The following MARCHF1 variants were observed in gnomAD, a reference collection of about 807,000 sequenced individuals.
The protein encoded by MARCHF1 is membrane associated ring-CH-type finger 1, also known as E3 ubiquitin-protein ligase MARCHF1.
In MARCHF1, 40 loss-of-function variants were observed where a neutral mutation model predicts 54.2. The observed-to-expected ratio is 0.74, with a 90% CI of 0.57 to 0.96. The LOEUF (loss-of-function observed/expected upper bound fraction) is 0.96, where lower values mean the gene tolerates loss of function less well. Ranked by LOEUF, MARCHF1 falls within the 40% of genes least tolerant of loss-of-function variation. The probability of loss-of-function intolerance (pLI) is 0.00; values close to 1 mark genes in which losing one functional copy is unlikely to be tolerated. For missense variants in MARCHF1, 586 were observed against 656.5 expected (o/e 0.89, Z 1.17); for synonymous variants, 236 against 236.3 (o/e 1.00, Z 0.01).
At chr4:163,538,896 G>A (rs1738625391) in intron 9 of MARCHF1, among the ~76,000 whole-genome samples, 1 of 152,168 alleles carries the variant, frequency 6.6e-6, no homozygotes, top group African/African-American at 2.4e-5. Context: ...ATTGACACTG[G>A]TCTTGGTCAT....
chr4:164,192,213 A>T (rs1212154769), intron 1 of MARCHF1, among the ~76,000 whole-genome samples: 1 of 152,134 alleles, frequency 6.6e-6, no homozygotes. Flanking sequence ...TTCATAGTTT[A>T]CTCTAAAAGT....
intron 5 of MARCHF1, among the ~76,000 whole-genome samples, chr4:163,632,085 A>G (rs1742107228): frequency 6.6e-6 from 1 of 152,214 alleles, no homozygotes; most frequent in South Asian, 2.1e-4. Flanking sequence ...ACAGAAAATA[A>G]CAAGTCTTGG....
intron 4 of MARCHF1, among the ~76,000 whole-genome samples, chr4:163,757,643 C>T (rs1207179905): frequency 6.6e-6 from 1 of 152,008 alleles, no homozygotes; most frequent in Non-Finnish European, 1.5e-5. Flanking sequence ...AAAATAGAAA[C>T]ACCATAGAAA....
At position 164,029,546 on chromosome 4, in the gene MARCHF1, C is replaced by T. The variant is rs1029571568; in HGVS notation, c.-247-40837G>A. 5.9e-5 allele frequency among the ~76,000 whole-genome samples: 9 copies of T among 151,292 alleles called. No individual in the cohort carries two copies. The South Asian group carries it at 6.3e-4, about 11-fold the overall frequency. On this transcript the variant is annotated intron_variant, in intron 2 of 9. Transcript: ENST00000514618. ...AGATTTAGTAAAATGCTTTATTTCT[C>T]ACTGATGTGAGATTAAATTGACATA...
At chr4:164,313,991 T>C (rs773443886) in intron 1 of MARCHF1, among the ~76,000 whole-genome samples, 8 of 152,264 alleles carry the variant, frequency 5.3e-5, no homozygotes, top group Non-Finnish European at 1.0e-4. Flanking sequence ...TCTATTCAGA[T>C]GCCAGAAGGA....
rs527268192 is a variant in MARCHF1 at position 164,309,996 on chromosome 4, TAAAAA to T, written c.-323+73869_-323+73873del. Among the ~76,000 whole-genome samples, 252 of 151,570 alleles carry T rather than the reference TAAAAA, an allele frequency of 1.7e-3. 3 individuals are homozygous for T. Among genetic ancestry groups the T allele is most frequent in the African/African-American group, 5.5e-3 (229 of 41,414 alleles). On this transcript the variant is annotated intron_variant, in intron 1 of 9. Coordinates refer to ENST00000514618, the MANE Select transcript of MARCHF1 (RefSeq NM_001394959.1). ...ACAAATCATGTTCCTTTTTTTTAATTAAAAAAAAATCTGTAGGTACATAGAAAGTG... is the reference window on the plus strand; with the variant it reads ...ACAAATCATGTTCCTTTTTTTTAATTAAAATCTGTAGGTACATAGAAAGTG...
At chr4:163,718,379 G>A (rs1019161219) in intron 4 of MARCHF1, among the ~76,000 whole-genome samples, 2 of 152,050 alleles carry the variant, frequency 1.3e-5, no homozygotes, top group Non-Finnish European at 2.9e-5. Context: ...CTACAGAATG[G>A]GAGAAAATTT....
At chr4:163,844,535 G>T (rs139533004) in intron 4 of MARCHF1, among the ~76,000 whole-genome samples, 202 of 152,148 alleles carry the variant, frequency 1.3e-3, no homozygotes, top group African/African-American at 4.6e-3. Flanking sequence ...TAAGGATTGT[G>T]TCTTTAAAAA....
intron 4 of MARCHF1, among the ~76,000 whole-genome samples, chr4:163,838,693 T>C (rs1281498728): frequency 6.6e-6 from 1 of 152,130 alleles, no homozygotes; most frequent in East Asian, 1.9e-4. Context: ...CTAGGATAAC[T>C]GTATTCATGA....
At chr4:163,768,087 A>G (rs1318748598) in intron 4 of MARCHF1, among the ~76,000 whole-genome samples, 1 of 152,186 alleles carries the variant, frequency 6.6e-6, no homozygotes, top group Non-Finnish European at 1.5e-5. Flanking sequence ...CTTTGTTAAA[A>G]GATTTAAGAA....
chr4:163,905,037 A>G (rs1023038830), intron 3 of MARCHF1, among the ~76,000 whole-genome samples: 4 of 152,152 alleles, frequency 2.6e-5, no homozygotes, highest in African/African-American at 9.6e-5. Flanking sequence ...TCATTAATAA[A>G]AATTATGTTC....
At chr4:164,150,871 T>A (rs527448184) in intron 1 of MARCHF1, among the ~76,000 whole-genome samples, 4 of 152,280 alleles carry the variant, frequency 2.6e-5, no homozygotes, top group Admixed American at 2.6e-4. Context: ...GAATTATGGT[T>A]GTTAATCAGC....
intron 2 of MARCHF1, among the ~76,000 whole-genome samples, chr4:164,015,317 G>C (rs1243270117): frequency 1.3e-5 from 2 of 152,004 alleles, no homozygotes; most frequent in Non-Finnish European, 2.9e-5. Context: ...AATGGATTAA[G>C]GACTTACAAC....
chr4:163,934,271 A>C (rs1196826647), intron 3 of MARCHF1, among the ~76,000 whole-genome samples: 1 of 152,034 alleles, frequency 6.6e-6, no homozygotes, highest in Admixed American at 6.6e-5. Flanking sequence ...ATAAACAACA[A>C]CAACAAAAAA....
At chr4:164,310,138 C>T (rs958552751) in intron 1 of MARCHF1, among the ~76,000 whole-genome samples, 21 of 151,834 alleles carry the variant, frequency 1.4e-4, no homozygotes, top group African/African-American at 4.8e-4. Context: ...TGTGCAGTGG[C>T]GCCATCTCGG....
intron 5 of MARCHF1, among the ~76,000 whole-genome samples, chr4:163,671,099 G>A (rs1173152925): frequency 6.6e-6 from 1 of 152,166 alleles, no homozygotes; most frequent in African/African-American, 2.4e-5. Flanking sequence ...CCAGTTCCCT[G>A]CTTTAGCAGT....
At chr4:164,360,602 G>GA (rs1730696229) in intron 1 of MARCHF1, among the ~76,000 whole-genome samples, 1 of 152,064 alleles carries the variant, frequency 6.6e-6, no homozygotes, top group African/African-American at 2.4e-5. Context: ...CGATTTTTCA[G>GA]CCCCACCCAA....
In MARCHF1 at chr4:163,858,105, G is replaced by C. The variant is rs1161128393; in HGVS notation, c.-38-3936C>G. Among the ~76,000 whole-genome samples the C allele has an allele frequency of 3.5e-3, 2 of 578 alleles. 1 individual carries two copies. The highest frequency in any genetic ancestry group is 0.011 in the East Asian group (2 of 186). 0.4% of individuals were successfully genotyped at this position (578 alleles called of 152,430 possible). A position where few individuals can be genotyped will look rare whatever the true frequency, so the allele number is the denominator to read the frequency against. ...GTGTTGCACAACTCCGGGGGGTGGG[G>C]GGGGGGGGGCATCATCCACATTGCA... On this transcript the variant is annotated intron_variant, in intron 3 of 9. Transcript: ENST00000514618.
At chr4:163,621,989 A>G (rs922579212) in intron 5 of MARCHF1, among the ~76,000 whole-genome samples, 1 of 151,988 alleles carries the variant, frequency 6.6e-6, no homozygotes, top group African/African-American at 2.4e-5. Context: ...TTAGGGTAGG[A>G]GTGACTGAGG....
Sources: allele counts gnomAD v4.1 joint callset (sites outside exome capture counted in the v4.1 genomes callset), GRCh38; gene constraint gnomAD v4.1.1; transcripts MANE v1.5; gene names NCBI Gene and HGNC (gene_info 2026-07-23, HGNC 2026-07-21).